The following RRM2B variants were observed in gnomAD, a reference collection of about 807,000 sequenced individuals.
RRM2B encodes the protein ribonucleoside-diphosphate reductase subunit M2 B.
Under a neutral mutation model 45.9 loss-of-function variants are expected in RRM2B, and 20 were observed. That is an observed-to-expected ratio of 0.44 (90% CI 0.31 to 0.63). The LOEUF (loss-of-function observed/expected upper bound fraction) is 0.63. Among genes scored for constraint, RRM2B ranks in the 30% least tolerant of loss-of-function variants. The probability of loss-of-function intolerance (pLI) is 0.09; values close to 1 mark genes in which losing one functional copy is unlikely to be tolerated. For missense variants in RRM2B, 320 were observed against 414.7 expected (o/e 0.77, Z 1.98); for synonymous variants, 124 against 132.3 (o/e 0.94, Z 0.43).
At chr8:102,227,444 G>A (rs200503372) in intron 2 of RRM2B, among the ~76,000 whole-genome samples, 86 of 152,148 alleles carry the variant, frequency 5.7e-4, no homozygotes, top group East Asian at 3.3e-3. Context: ...GGGACCACAG[G>A]CACACAAAAC....
At chr8:102,230,235 G>A (rs1289389330) in intron 2 of RRM2B, among the ~76,000 whole-genome samples, 1 of 152,128 alleles carries the variant, frequency 6.6e-6, no homozygotes, top group Non-Finnish European at 1.5e-5. Flanking sequence ...TACATAATTT[G>A]TAAATGAAAA....
intron 2 of RRM2B, among the ~76,000 whole-genome samples, chr8:102,226,789 C>T (rs2132557092): frequency 6.6e-6 from 1 of 152,336 alleles, no homozygotes; most frequent in South Asian, 2.1e-4. Context: ...TCTTGGCTCA[C>T]TGCAACCTTC....
intron 6 of RRM2B, among the ~76,000 whole-genome samples, chr8:102,218,245 T>G (rs1264774323): frequency 1.3e-5 from 2 of 152,006 alleles, no homozygotes; most frequent in Non-Finnish European, 2.9e-5. Flanking sequence ...GCATATATAG[T>G]GAAGGAGCAA....
chr8:102,222,521 G>A (rs1810854107), intron 5 of RRM2B, among the ~76,000 whole-genome samples: 1 of 152,190 alleles, frequency 6.6e-6, no homozygotes, highest in Non-Finnish European at 1.5e-5. Context: ...CACAGACCCA[G>A]GAGACCTGTG....
At position 102,206,206 on chromosome 8, in the gene RRM2B, G is replaced by C. The variant is rs1056508265; in HGVS notation, c.*1927C>G. ...AGACAAAAGCAAATCAACATAGATG[G>C]TAAAGGACTAAATCTGAGACATTAC... On this transcript the variant is annotated 3_prime_UTR_variant, in exon 9 of 9. Coordinates refer to ENST00000251810, the MANE Select transcript of RRM2B (RefSeq NM_015713.5). 1 of 151,704 alleles carries C rather than the reference G, an allele frequency of 6.6e-6. No homozygotes were observed. The highest frequency in any genetic ancestry group is 1.5e-5 in the Non-Finnish European group (1 of 67,888). The allele number at this position is 151,704 out of a possible 1,614,324, so 9.4% of individuals were successfully genotyped here. A position where few individuals can be genotyped will look rare whatever the true frequency, so the allele number is the denominator to read the frequency against.
rs191030249 is a variant in RRM2B at position 102,211,745 on chromosome 8, T to C, written c.903+1031A>G. Among the ~76,000 whole-genome samples the C allele has an allele frequency of 1.1e-4, 17 of 152,364 alleles. No homozygotes were observed. The East Asian group carries it at 3.1e-3, about 28-fold the overall frequency. On this transcript the variant is annotated intron_variant, in intron 8 of 8. Transcript: ENST00000251810. ...TTAAGAGATTATATTAATATAGTTA[T>C]AATCTTGATTTCTCATTAATTAGTA...
chr8:102,220,898 CG>C (rs979280796), intron 5 of RRM2B, among the ~76,000 whole-genome samples: 1 of 151,976 alleles, frequency 6.6e-6, no homozygotes, highest in Non-Finnish European at 1.5e-5. Flanking sequence ...AAGAGGGTTC[CG>C]GAACATTTCT....
At chr8:102,208,406 CATAT>C in intron 8 of RRM2B, 121 bp from the exon 9 acceptor site, 1 of 751,276 alleles carries the variant, frequency 1.3e-6, no homozygotes, top group Admixed American at 2.2e-5. Flanking sequence ...GCTACAAGAT[CATAT>C]CATTCCCCTA....
chr8:102,224,881 A>G lies in RRM2B; in HGVS notation c.455+4T>C. ...ATATTTTGTAAATAAAATCCCAACA[A>G]TACCTTTTCTTGGGATCTCTGATGT... On this transcript the variant is annotated splice_donor_region_variant and intron_variant, in intron 4 of 8. Coordinates refer to ENST00000251810, the MANE Select transcript of RRM2B (RefSeq NM_015713.5). The G allele has an allele frequency of 6.2e-7, 1 of 1,613,528 alleles. No individual in the cohort carries two copies. Among genetic ancestry groups the G allele is most frequent in the Non-Finnish European group, 8.5e-7 (1 of 1,179,484 alleles).
chr8:102,210,011 G>A (rs1810608544), intron 8 of RRM2B, among the ~76,000 whole-genome samples: 1 of 152,164 alleles, frequency 6.6e-6, no homozygotes, highest in Non-Finnish European at 1.5e-5. Context: ...GGTAAGGGGA[G>A]GAAAGAGGAG....
chr8:102,222,079 A>AT (rs1810846838), intron 5 of RRM2B, among the ~76,000 whole-genome samples: 1 of 149,420 alleles, frequency 6.7e-6, no homozygotes, highest in South Asian at 2.1e-4. Context: ...TTCCTATTTA[A>AT]ATTTTTTTTT....
At chr8:102,215,347 C>T (rs1335818410) in intron 6 of RRM2B, among the ~76,000 whole-genome samples, 3 of 151,412 alleles carry the variant, frequency 2.0e-5, no homozygotes, top group Admixed American at 6.6e-5. Flanking sequence ...GAGGTCAAGG[C>T]TGCAGTGAGC....
chr8:102,211,736 A>C (rs1396863691), intron 8 of RRM2B, among the ~76,000 whole-genome samples: 1 of 152,234 alleles, frequency 6.6e-6, no homozygotes. Context: ...GATTATATTA[A>C]TATAGTTATA....
chr8:102,238,774 C>G, intron 1 of RRM2B, 53 bp downstream of exon 1: 1 of 1,613,364 alleles, frequency 6.2e-7, no homozygotes, highest in Non-Finnish European at 8.5e-7. Context: ...AACTTGCAAT[C>G]TAACGGGCTG....
Position 102,238,771 on chromosome 8 carries a change from A to C in RRM2B, c.48+56T>G, listed in dbSNP as rs778296845. 2.5e-6 allele frequency: 4 copies of C among 1,613,122 alleles called. No homozygotes were observed. In the South Asian group the frequency reaches 4.4e-5, roughly 18 times the overall value. ...TTCCTACAGCGGTCCTGCAACTTGC[A>C]ATCTAACGGGCTGGCGTGACTGCGG... On this transcript the variant is annotated intron_variant, in intron 1 of 8. Coordinates refer to ENST00000251810, the MANE Select transcript of RRM2B (RefSeq NM_015713.5).
chr8:102,232,430 CCTTA>C, intron 1 of RRM2B, 126 bp from the exon 2 acceptor site: 1 of 908,470 alleles, frequency 1.1e-6, no homozygotes, highest in East Asian at 2.5e-5. Flanking sequence ...TGGGTTGAAT[CCTTA>C]CTGTTACCTG....
chr8:102,214,253 T>G, intron 6 of RRM2B, 95 bp from the exon 7 acceptor site: 1 of 843,590 alleles, frequency 1.2e-6, no homozygotes, highest in South Asian at 1.4e-5. Context: ...GTTCTAGGAA[T>G]ATAACACAGA....
At chr8:102,226,080 T>C in intron 2 of RRM2B, 46 bp from the exon 3 acceptor site, 1 of 1,165,944 alleles carries the variant, frequency 8.6e-7, no homozygotes, top group South Asian at 1.2e-5. Flanking sequence ...AGTTAAGTTC[T>C]TCTCAAAGTG....
chr8:102,210,306 T>C (rs1433717747), intron 8 of RRM2B, among the ~76,000 whole-genome samples: 2 of 152,172 alleles, frequency 1.3e-5, no homozygotes, highest in African/African-American at 4.8e-5. Context: ...GGAGCTGTAA[T>C]ATACAGCAAG....
Sources: allele counts gnomAD v4.1 joint callset (sites outside exome capture counted in the v4.1 genomes callset), GRCh38; gene constraint gnomAD v4.1.1; transcripts MANE v1.5; gene names NCBI Gene and HGNC (gene_info 2026-07-23, HGNC 2026-07-21).